The following PDE3B variants were observed in gnomAD, a reference collection of about 807,000 sequenced individuals.
PDE3B encodes phosphodiesterase 3B.
A neutral mutation model predicts 116.8 loss-of-function variants in PDE3B; 66 were observed. The observed-to-expected ratio is 0.56, with a 90% confidence interval of 0.46 to 0.69. PDE3B has a LOEUF of 0.69. Ranked by LOEUF, PDE3B falls within the 30% of genes least tolerant of loss-of-function variation. The pLI is 0.00. For synonymous variants in PDE3B, 595 were observed against 533.6 expected (o/e 1.12, Z -1.59); for missense variants, 1,384 against 1,368.1 (o/e 1.01, Z -0.18).
chr11:14,762,242 C>T (rs1344664968), intron 1 of PDE3B, among the ~76,000 whole-genome samples: 9 of 151,968 alleles, frequency 5.9e-5, no homozygotes, highest in South Asian at 2.1e-4. Flanking sequence ...CCTGGTACTA[C>T]AGGCATTCAC....
At chr11:14,778,344 T>A (rs908726221) in intron 2 of PDE3B, among the ~76,000 whole-genome samples, 2 of 152,104 alleles carry the variant, frequency 1.3e-5, no homozygotes, top group Admixed American at 6.5e-5. Context: ...GAGTTTGAGA[T>A]CTAAGAATGG....
At chr11:14,835,254 AC>A (rs1266815570) in intron 11 of PDE3B, among the ~76,000 whole-genome samples, 159 bp downstream of exon 11, 1 of 152,190 alleles carries the variant, frequency 6.6e-6, no homozygotes, top group Non-Finnish European at 1.5e-5. Context: ...CCCAAGTTCT[AC>A]TGTGTAAGTT....
intron 1 of PDE3B, among the ~76,000 whole-genome samples, chr11:14,722,454 T>A (rs550876973): frequency 9.9e-5 from 15 of 151,986 alleles, no homozygotes; most frequent in African/African-American, 3.4e-4. Flanking sequence ...TGCCATTGAG[T>A]CAAGAGAGAA....
At chr11:14,656,647 T>G (rs1281674830) in intron 1 of PDE3B, among the ~76,000 whole-genome samples, 1 of 152,176 alleles carries the variant, frequency 6.6e-6, no homozygotes, top group Non-Finnish European at 1.5e-5. Flanking sequence ...GTAATCACAG[T>G]ACCTATCTTA....
At chr11:14,709,871 T>A (rs1411483246) in intron 1 of PDE3B, among the ~76,000 whole-genome samples, 1 of 152,236 alleles carries the variant, frequency 6.6e-6, no homozygotes, top group Non-Finnish European at 1.5e-5. Flanking sequence ...TTAACTTTGG[T>A]GTCCTTGCTT....
chr11:14,749,837 A>G (rs1451017917), intron 1 of PDE3B, among the ~76,000 whole-genome samples: 2 of 134,688 alleles, frequency 1.5e-5, no homozygotes, highest in Non-Finnish European at 3.2e-5. Flanking sequence ...CCATAAATAT[A>G]TATATATTTA....
intron 2 of PDE3B, among the ~76,000 whole-genome samples, chr11:14,782,596 T>A (rs1216963954): frequency 6.6e-6 from 1 of 152,186 alleles, no homozygotes; most frequent in Non-Finnish European, 1.5e-5. Context: ...TTACACCTTA[T>A]ACAAAAATTA....
chr11:14,819,186 C>G lies in PDE3B; in HGVS notation c.1784C>G (p.Thr595Arg), dbSNP rs1317417009. The change falls in exon 7 of 16, where the codon ACA (threonine) becomes AGA (arginine). Residue 595 changes from threonine to arginine, a missense_variant. Physicochemically the swap from Thr to Arg is moderately conservative, Grantham distance 71. This residue lies in a region of PDE3B where 956 missense variants were observed against 806.8 expected (regional missense o/e 1.18). Transcript: ENST00000282096. ...KYVSTSESDG[T>R]DCCSGKSGEE... ...GTTTCAACATCTGAATCAGATGGTA[C>G]AGATTGCTGCAGTGGAAAATCAGGT... is the stretch of plus-strand genomic sequence containing the variant. 1.3e-6 allele frequency: 2 copies of G among 1,590,638 alleles called. No individual in the cohort carries two copies. The highest frequency in any genetic ancestry group is 2.2e-5 in the East Asian group (1 of 44,654).
At chr11:14,691,479 C>A (rs1855040060) in intron 1 of PDE3B, among the ~76,000 whole-genome samples, 1 of 152,024 alleles carries the variant, frequency 6.6e-6, no homozygotes, top group South Asian at 2.1e-4. Flanking sequence ...ATAGAAAATA[C>A]ATGAAATAAT....
chr11:14,749,899 CATAT>C (rs66919202), intron 1 of PDE3B, among the ~76,000 whole-genome samples: 1,183 of 77,624 alleles, frequency 0.015, 127 homozygotes, highest in African/African-American at 0.065. Context: ...AAATATATCC[CATAT>C]ATATATATAT....
intron 1 of PDE3B, among the ~76,000 whole-genome samples, chr11:14,695,885 A>G (rs1157917192): frequency 6.6e-6 from 1 of 152,094 alleles, no homozygotes; most frequent in African/African-American, 2.4e-5. Context: ...CATCATGTGT[A>G]TGCACCATTT....
intron 1 of PDE3B, among the ~76,000 whole-genome samples, chr11:14,727,820 A>T (rs773748578): frequency 6.6e-6 from 1 of 151,384 alleles, no homozygotes; most frequent in Non-Finnish European, 1.5e-5. Context: ...GCTTATAACA[A>T]TAATAAGCAC....
chr11:14,709,264 T>C (rs1855625212), intron 1 of PDE3B, among the ~76,000 whole-genome samples: 2 of 152,176 alleles, frequency 1.3e-5, no homozygotes, highest in African/African-American at 4.8e-5. Context: ...AATGCTACCA[T>C]TGTAGAGCAA....
At chr11:14,680,427 T>C (rs752008319) in intron 1 of PDE3B, among the ~76,000 whole-genome samples, 4 of 152,206 alleles carry the variant, frequency 2.6e-5, no homozygotes, top group Admixed American at 6.5e-5. Context: ...GTTTGACCTT[T>C]ACAAATTAAA....
chr11:14,677,858 T>A (rs1176004979), intron 1 of PDE3B, among the ~76,000 whole-genome samples: 1 of 152,240 alleles, frequency 6.6e-6, no homozygotes, highest in Non-Finnish European at 1.5e-5. Context: ...AGTTGTTGCA[T>A]GAACCAGTTT....
chr11:14,781,029 T>TAC (rs1857980940), intron 2 of PDE3B, among the ~76,000 whole-genome samples: 2 of 152,106 alleles, frequency 1.3e-5, no homozygotes, highest in South Asian at 4.1e-4. Context: ...GAGAATACTG[T>TAC]AAACACCCCT....
At chr11:14,755,933 C>T (rs1857170003) in intron 1 of PDE3B, among the ~76,000 whole-genome samples, 1 of 152,130 alleles carries the variant, frequency 6.6e-6, no homozygotes, top group Non-Finnish European at 1.5e-5. Context: ...TAAGTCTCTA[C>T]TGGTAGAGTT....
At chr11:14,685,618 G>T (rs1854851482) in intron 1 of PDE3B, among the ~76,000 whole-genome samples, 1 of 151,612 alleles carries the variant, frequency 6.6e-6, no homozygotes, top group Non-Finnish European at 1.5e-5. Flanking sequence ...ACCATGCCTG[G>T]CTAATTTTTG....
At chr11:14,890,977 T>C in the PDE3B span, 1 of 985,434 alleles carries the variant, frequency 1.0e-6, no homozygotes, top group Non-Finnish European at 1.2e-6. Flanking sequence ...GATAATGAGA[T>C]TAGTTTTCTC....
Sources: allele counts gnomAD v4.1 joint callset (sites outside exome capture counted in the v4.1 genomes callset), GRCh38; gene constraint gnomAD v4.1.1; regional missense constraint gnomAD v4.1.1; transcripts MANE v1.5; gene names NCBI Gene and HGNC (gene_info 2026-07-23, HGNC 2026-07-21).